NIPSNAP3A: variants seen among roughly 807,000 people sequenced by gnomAD.
NIPSNAP3A encodes protein NipSnap homolog 3A.
In NIPSNAP3A, 27 loss-of-function variants were observed where a neutral mutation model predicts 32.3. The observed-to-expected ratio is 0.84, with a 90% CI of 0.62 to 1.15. The LOEUF (loss-of-function observed/expected upper bound fraction) is 1.15. Ranked by LOEUF, NIPSNAP3A falls within the 50% of genes most tolerant of loss-of-function variation. NIPSNAP3A has a pLI of 0.00. For missense variants in NIPSNAP3A, 278 were observed against 297.2 expected (o/e 0.94, Z 0.48); for synonymous variants, 108 against 107.3 (o/e 1.01, Z -0.04).
At position 104,751,084 on chromosome 9, in the gene NIPSNAP3A, G is replaced by A. The variant is rs2118750305; in HGVS notation, c.189G>A (p.Arg63=). 6.2e-7 allele frequency: 1 copy of A among 1,614,030 alleles called. No homozygotes were observed. The change falls in exon 2 of 6, where the codon CGG becomes CGA. Residue 63 remains arginine (R), a synonymous_variant. Coordinates refer to ENST00000374767, the MANE Select transcript of NIPSNAP3A (RefSeq NM_015469.3). ...LENFEKNAHL[R]TAHSELVGYW... The stretch of plus-strand genomic sequence containing the variant: ...ATTTTGAGAAAAACGCTCATCTTCG[G>A]ACAGCTCACTCTGAATTGGTTGGAT...
chr9:104,752,959 T>A lies in NIPSNAP3A; in HGVS notation c.325T>A (p.Trp109Arg), dbSNP rs1827863413. 6.2e-7 allele frequency: 1 copy of A among 1,613,192 alleles called. No homozygotes were observed. The highest frequency in any genetic ancestry group is 1.3e-5 in the African/African-American group (1 of 74,926). ...VRKALAKDKE[W>R]QEQFLIPNLA... ...GAAAGCCTTGGCCAAAGATAAGGAA[T>A]GGCAAGAACAATTCCTCATTCCAAA... is the stretch of plus-strand genomic sequence containing the variant. The change falls in exon 3 of 6, where the codon TGG becomes AGG. Residue 109 changes from tryptophan to arginine, a missense_variant. Trp to Arg is a moderately radical substitution (Grantham distance 101). Coordinates refer to ENST00000374767, the MANE Select transcript of NIPSNAP3A (RefSeq NM_015469.3).
intron 4 of NIPSNAP3A, among the ~76,000 whole-genome samples, chr9:104,758,805 C>CAAA (rs768554060): frequency 2.3e-4 from 27 of 117,094 alleles, no homozygotes; most frequent in Non-Finnish European, 2.9e-4. Flanking sequence ...ACTAAAAATA[C>CAAA]AAAAAAAAAA....
In NIPSNAP3A at chr9:104,759,358, A is replaced by C; in HGVS notation, c.*20A>C. On this transcript the variant is annotated 3_prime_UTR_variant, in exon 6 of 6. Transcript: ENST00000374767. The stretch of plus-strand genomic sequence containing the variant: ...AAATAGTTTTCTACTGAAATACAAA[A>C]CATTTCATTAACTGCTATAGGATCT... 1.2e-6 allele frequency: 2 copies of C among 1,600,802 alleles called. No homozygotes were observed. The highest frequency in any genetic ancestry group is 1.7e-6 in the Non-Finnish European group (2 of 1,169,258).
Position 104,750,999 on chromosome 9 carries a change from T to C in NIPSNAP3A, c.104T>C (p.Ile35Thr), listed in dbSNP as rs1298413831. 1 of 1,614,044 alleles carries C rather than the reference T, an allele frequency of 6.2e-7. No individual in the cohort carries two copies. ...FATGPRQYDGIFYEFRSYYLK... is the reference protein window; with the variant it reads ...FATGPRQYDGTFYEFRSYYLK... ...ACGGGACCCAGACAATACGATGGAA[T>C]ATTCTATGAATTTCGTTCTTATTAC... is the stretch of plus-strand genomic sequence containing the variant. The change falls in exon 2 of 6, where the codon ATA (isoleucine) becomes ACA (threonine). Residue 35 changes from isoleucine to threonine, a missense_variant. Physicochemically the swap from Ile to Thr is moderately conservative, Grantham distance 89. Transcript: ENST00000374767.
At chr9:104,748,311 C>T (rs1051518841) in intron 1 of NIPSNAP3A, among the ~76,000 whole-genome samples, 6 of 152,204 alleles carry the variant, frequency 3.9e-5, no homozygotes, top group African/African-American at 7.2e-5. Flanking sequence ...CAACCAGCCG[C>T]TTGCCACGGA....
At chr9:104,754,806 C>G (rs1827887646) in intron 4 of NIPSNAP3A, 106 bp downstream of exon 4, 1 of 832,150 alleles carries the variant, frequency 1.2e-6, no homozygotes, top group Non-Finnish European at 1.9e-6. Flanking sequence ...TTATTTATTG[C>G]CAAATGTTTA....
At chr9:104,757,023 G>A (rs976073833) in intron 4 of NIPSNAP3A, among the ~76,000 whole-genome samples, 5 of 151,908 alleles carry the variant, frequency 3.3e-5, no homozygotes, top group African/African-American at 1.2e-4. Context: ...TCAAACTCCT[G>A]ACCACAGGTG....
At position 104,751,017 on chromosome 9, in the gene NIPSNAP3A, C is replaced by T. The variant is rs1390242212; in HGVS notation, c.122C>T (p.Ser41Phe). 3.1e-6 allele frequency: 5 copies of T among 1,613,946 alleles called. No homozygotes were observed. Among genetic ancestry groups the T allele is most frequent in the South Asian group, 2.2e-5 (2 of 91,068 alleles). Residue 41 changes from serine (S) to phenylalanine (F), a missense_variant, in exon 2 of 6, where the codon TCT becomes TTT. Transcript: ENST00000374767. ...QYDGIFYEFR[S>F]YYLKPSKMNE... Reference sequence around the variant, plus strand: ...GATGGAATATTCTATGAATTTCGTTCTTATTACCTTAAGCCCTCAAAGATG... The same window carrying T: ...GATGGAATATTCTATGAATTTCGTTTTTATTACCTTAAGCCCTCAAAGATG...
At chr9:104,759,212 T>G (rs779088173) in intron 5 of NIPSNAP3A, 41 bp downstream of exon 5, 3 of 1,614,014 alleles carry the variant, frequency 1.9e-6, no homozygotes, top group Non-Finnish European at 2.5e-6. Flanking sequence ...TTAGAACAAA[T>G]GTGTTTCAGT....
At chr9:104,748,016 G>A (rs1202483797) in intron 1 of NIPSNAP3A, among the ~76,000 whole-genome samples, 164 bp downstream of exon 1, 1 of 152,204 alleles carries the variant, frequency 6.6e-6, no homozygotes, top group Non-Finnish European at 1.5e-5. Context: ...CCCCAAGACA[G>A]GGGTACCCGG....
chr9:104,752,027 G>GT (rs973070535), intron 2 of NIPSNAP3A, among the ~76,000 whole-genome samples: 3 of 151,942 alleles, frequency 2.0e-5, no homozygotes, highest in Non-Finnish European at 4.4e-5. Context: ...TTTAGATGTG[G>GT]TACAAGTTGT....
chr9:104,758,798 A>G (rs1236851237), intron 4 of NIPSNAP3A, among the ~76,000 whole-genome samples: 3 of 149,432 alleles, frequency 2.0e-5, no homozygotes, highest in African/African-American at 4.9e-5. Flanking sequence ...CATCTCTACT[A>G]AAAATACAAA....
At chr9:104,748,561 G>T (rs1014186176) in intron 1 of NIPSNAP3A, among the ~76,000 whole-genome samples, 3 of 152,130 alleles carry the variant, frequency 2.0e-5, no homozygotes, top group Non-Finnish European at 2.9e-5. Context: ...CTAACTTTCG[G>T]GAGTGGCCTA....
At chr9:104,748,950 T>C (rs1423829491) in intron 1 of NIPSNAP3A, among the ~76,000 whole-genome samples, 1 of 152,072 alleles carries the variant, frequency 6.6e-6, no homozygotes, top group Non-Finnish European at 1.5e-5. Context: ...TGCAACAAAA[T>C]TCTTAACTCC....
intron 1 of NIPSNAP3A, among the ~76,000 whole-genome samples, chr9:104,748,553 A>G (rs771211037): frequency 6.6e-6 from 1 of 152,058 alleles, no homozygotes; most frequent in Non-Finnish European, 1.5e-5. Flanking sequence ...ATTCTGCCCT[A>G]ACTTTCGGGA....
At position 104,759,166 on chromosome 9, in the gene NIPSNAP3A, C is replaced by A; in HGVS notation, c.662C>A (p.Ala221Glu). The change falls in exon 5 of 6, where the codon GCA (alanine) becomes GAA (glutamate). Residue 221 changes from alanine to glutamate, a missense_variant. Ala to Glu is a moderately radical substitution (Grantham distance 107). Coordinates refer to ENST00000374767, the MANE Select transcript of NIPSNAP3A (RefSeq NM_015469.3). ...TCCCATGAGGATCCCAGAGTTGTGG[C>A]AGCTGGTAAGCTGTTTGACTAGGCA... Reference protein sequence around the residue: ...HKSHEDPRVVAAVRESVNYLV... With the variant: ...HKSHEDPRVVEAVRESVNYLV... 1.2e-6 allele frequency: 2 copies of A among 1,613,524 alleles called. No individual in the cohort carries two copies. The highest frequency in any genetic ancestry group is 1.7e-6 in the Non-Finnish European group (2 of 1,179,674).
At chr9:104,757,282 G>C (rs1429691294) in intron 4 of NIPSNAP3A, among the ~76,000 whole-genome samples, 3 of 152,054 alleles carry the variant, frequency 2.0e-5, no homozygotes, top group Non-Finnish European at 4.4e-5. Flanking sequence ...TATAAGACAT[G>C]CTCTTTGGTT....
chr9:104,758,835 T>G (rs964683337), intron 4 of NIPSNAP3A, among the ~76,000 whole-genome samples: 1 of 149,356 alleles, frequency 6.7e-6, no homozygotes, highest in Admixed American at 6.7e-5. Context: ...CCGGACGTGG[T>G]GGTGGGCGCC....
In NIPSNAP3A at chr9:104,751,096, T is replaced by C. The variant is rs774824241; in HGVS notation, c.201T>C (p.Ser67=). 1 of 1,614,118 alleles carries C rather than the reference T, an allele frequency of 6.2e-7. No homozygotes were observed. Among genetic ancestry groups the C allele is most frequent in the South Asian group, 1.1e-5 (1 of 91,082 alleles). The change falls in exon 2 of 6, where the codon TCT becomes TCC. Residue 67 remains serine (S), a synonymous_variant. Transcript: ENST00000374767. ...EKNAHLRTAH[S]ELVGYWSVEF... ...ACGCTCATCTTCGGACAGCTCACTCTGAATTGGTTGGATACTGGAGTGTAG... is the reference window on the plus strand; with the variant it reads ...ACGCTCATCTTCGGACAGCTCACTCCGAATTGGTTGGATACTGGAGTGTAG...
Sources: gnomAD v4.1 joint callset for allele counts (sites outside exome capture counted in the v4.1 genomes callset) on GRCh38, gnomAD v4.1.1 for gene constraint, MANE v1.5 for transcripts, NCBI Gene and HGNC (gene_info 2026-07-23, HGNC 2026-07-21) for gene names.